The following SPATA6 variants were observed in gnomAD, a reference collection of about 807,000 sequenced individuals.
The protein encoded by SPATA6 is spermatogenesis-associated protein 6.
A neutral mutation model predicts 65.3 loss-of-function variants in SPATA6; 56 were observed. The observed-to-expected ratio is 0.86, with a 90% CI of 0.69 to 1.07. SPATA6 has a LOEUF of 1.07. Among genes scored for constraint, SPATA6 ranks in the 50% least tolerant of loss-of-function variants. The probability of loss-of-function intolerance (pLI) is 0.00; values close to 1 mark genes in which losing one functional copy is unlikely to be tolerated. For missense variants in SPATA6, 590 were observed against 594.8 expected (o/e 0.99, Z 0.08); for synonymous variants, 199 against 213.2 (o/e 0.93, Z 0.58).
At chr1:48,261,447 A>G in the SPATA6 span, among the ~76,000 whole-genome samples, 1 of 151,808 alleles carries the variant, frequency 6.6e-6, no homozygotes, top group Admixed American at 6.6e-5. Context: ...GAAGAATGTA[A>G]AACCTATTAT....
chr1:48,300,605 A>G (rs1644913849), intron 12 of SPATA6, among the ~76,000 whole-genome samples: 1 of 152,144 alleles, frequency 6.6e-6, no homozygotes, highest in Non-Finnish European at 1.5e-5. Flanking sequence ...GACAAAAACA[A>G]CAACAAAAAT....
chr1:48,321,783 T>C (rs1224017507), intron 11 of SPATA6, among the ~76,000 whole-genome samples: 2 of 152,082 alleles, frequency 1.3e-5, no homozygotes, highest in Admixed American at 6.6e-5. Context: ...AAAACAAGTC[T>C]TAAAAAGTTG....
At chr1:48,326,709 A>C (rs1178429157) in intron 11 of SPATA6, among the ~76,000 whole-genome samples, 1 of 152,164 alleles carries the variant, frequency 6.6e-6, no homozygotes, top group Non-Finnish European at 1.5e-5. Flanking sequence ...AAATAAAGCC[A>C]CATACCCACA....
chr1:48,343,731 T>C (rs1433664881), intron 11 of SPATA6, among the ~76,000 whole-genome samples: 1 of 152,092 alleles, frequency 6.6e-6, no homozygotes, highest in Non-Finnish European at 1.5e-5. Flanking sequence ...AGTCGTATCA[T>C]CAAAATCTTA....
chr1:48,340,209 G>A, intron 11 of SPATA6, among the ~76,000 whole-genome samples: 1 of 47,044 alleles, frequency 2.1e-5, no homozygotes, highest in Non-Finnish European at 3.6e-5. Context: ...GACAATTAAA[G>A]ATGACAAAAA....
chr1:48,312,171 C>T (rs1398449848), intron 11 of SPATA6, among the ~76,000 whole-genome samples: 1 of 152,206 alleles, frequency 6.6e-6, no homozygotes, highest in South Asian at 2.1e-4. Flanking sequence ...GCAGCAGAAA[C>T]CTCTGCAGAC....
At chr1:48,331,921 A>C (rs1468090366) in intron 11 of SPATA6, among the ~76,000 whole-genome samples, 1 of 152,242 alleles carries the variant, frequency 6.6e-6, no homozygotes, top group African/African-American at 2.4e-5. Flanking sequence ...ACCTGTATTC[A>C]ACAGTCGTAA....
At chr1:48,295,182 A>T (rs909407578), downstream of SPATA6, among the ~76,000 whole-genome samples, 1 of 152,202 alleles carries the variant, frequency 6.6e-6, no homozygotes, top group African/African-American at 2.4e-5. Context: ...ACAATTTGGT[A>T]GTTCTTCAAA....
downstream of SPATA6, among the ~76,000 whole-genome samples, chr1:48,291,347 T>C (rs76370752): frequency 0.045 from 6,876 of 152,204 alleles, 255 homozygotes; most frequent in Non-Finnish European, 0.072. Flanking sequence ...AGAAAGATCA[T>C]CAGGTGTGGG....
intron 10 of SPATA6, among the ~76,000 whole-genome samples, chr1:48,357,187 G>T (rs961996967): frequency 1.3e-5 from 2 of 152,050 alleles, no homozygotes; most frequent in Non-Finnish European, 2.9e-5. Flanking sequence ...TTTTTCAGTA[G>T]ATTTGCTAGT....
At chr1:48,264,151 G>A in the SPATA6 span, among the ~76,000 whole-genome samples, 1 of 152,220 alleles carries the variant, frequency 6.6e-6, no homozygotes, top group East Asian at 1.9e-4. Context: ...CTTACCCTTG[G>A]CTTTAATGTA....
At chr1:48,293,910 C>G (rs1027753846), downstream of SPATA6, among the ~76,000 whole-genome samples, 4 of 152,048 alleles carry the variant, frequency 2.6e-5, no homozygotes, top group African/African-American at 7.2e-5. Context: ...GAATATTTTG[C>G]GAATGGGTGA....
At chr1:48,371,794 G>C (rs1158736083) in intron 9 of SPATA6, among the ~76,000 whole-genome samples, 2 of 152,168 alleles carry the variant, frequency 1.3e-5, no homozygotes, top group Non-Finnish European at 2.9e-5. Flanking sequence ...ATATAGCTGG[G>C]GAGGTTTCGC....
chr1:48,278,276 C>T, the SPATA6 span, among the ~76,000 whole-genome samples: 6 of 152,290 alleles, frequency 3.9e-5, no homozygotes, highest in East Asian at 9.7e-4. Flanking sequence ...AGCAGAGCGC[C>T]TCTCCTCCTC....
chr1:48,287,309 C>T, the SPATA6 span, among the ~76,000 whole-genome samples: 1 of 152,178 alleles, frequency 6.6e-6, no homozygotes, highest in Admixed American at 6.5e-5. Flanking sequence ...GATAAATCAG[C>T]CTCCATGATC....
intron 8 of SPATA6, among the ~76,000 whole-genome samples, chr1:48,394,993 T>A (rs1270217523): frequency 6.6e-6 from 1 of 152,020 alleles, no homozygotes; most frequent in Non-Finnish European, 1.5e-5. Flanking sequence ...TCAAGTCATT[T>A]TTTACTAGAA....
intron 11 of SPATA6, among the ~76,000 whole-genome samples, chr1:48,349,894 C>T (rs1646470311): frequency 6.6e-6 from 1 of 151,884 alleles, no homozygotes; most frequent in African/African-American, 2.4e-5. Context: ...TTGCCTCCAC[C>T]TTTTGGCAAC....
At chr1:48,358,695 T>C (rs1042342400) in intron 10 of SPATA6, among the ~76,000 whole-genome samples, 18 of 152,178 alleles carry the variant, frequency 1.2e-4, no homozygotes, top group Admixed American at 6.6e-4. Context: ...TTTGTGTGTG[T>C]GCGCACCTAT....
At chr1:48,406,376 A>G (rs1022454359) in intron 5 of SPATA6, among the ~76,000 whole-genome samples, 13 of 152,214 alleles carry the variant, frequency 8.5e-5, no homozygotes, top group Non-Finnish European at 5.9e-5. Flanking sequence ...GATTGTAAAT[A>G]TTAATCACAA....
Sources: allele counts gnomAD v4.1 joint callset (sites outside exome capture counted in the v4.1 genomes callset), GRCh38; gene constraint gnomAD v4.1.1; transcripts MANE v1.5; gene names NCBI Gene and HGNC (gene_info 2026-07-23, HGNC 2026-07-21).